ADAMTS12: variants seen among roughly 807,000 people sequenced by gnomAD.
ADAMTS12 encodes the protein A disintegrin and metalloproteinase with thrombospondin motifs 12.
ADAMTS12 carries 118 observed loss-of-function variants against 167.8 expected under a neutral mutation model. The ratio of observed to expected loss-of-function variants is 0.70; its 90% CI spans 0.61 to 0.82. The LOEUF is 0.82. Ranked by LOEUF, ADAMTS12 falls within the 40% of genes least tolerant of loss-of-function variation. The pLI is 0.00. For missense variants in ADAMTS12, 1,916 were observed against 1,998.8 expected, an observed-to-expected ratio of 0.96 and a Z score of 0.79; for synonymous variants, 704 against 716.9, an observed-to-expected ratio of 0.98 and a Z score of 0.29.
At chr5:33,888,047 T>G (rs1313357533) in intron 1 of ADAMTS12, 1 of 152,176 alleles carries the variant, frequency 6.6e-6, no homozygotes, top group Admixed American at 6.5e-5. Context: ...GCCGGCCTAT[T>G]CTTTTTTCTT....
intron 5 of ADAMTS12, among the ~76,000 whole-genome samples, chr5:33,672,309 TAC>T (rs2112239741): frequency 7.4e-6 from 1 of 135,630 alleles, no homozygotes; most frequent in African/African-American, 2.8e-5. Flanking sequence ...CATACTCATA[TAC>T]ACACAGATCC....
intron 2 of ADAMTS12, among the ~76,000 whole-genome samples, chr5:33,844,536 C>T (rs1371090661): frequency 6.6e-6 from 1 of 152,100 alleles, no homozygotes; most frequent in Non-Finnish European, 1.5e-5. Context: ...TGAGGAAATT[C>T]CCACCTAATA....
chr5:33,653,791 T>C (rs913866893), intron 7 of ADAMTS12, among the ~76,000 whole-genome samples: 20 of 152,290 alleles, frequency 1.3e-4, no homozygotes, highest in African/African-American at 4.8e-4. Flanking sequence ...GGATTTTCTT[T>C]GGGTTTAACC....
intron 18 of ADAMTS12, among the ~76,000 whole-genome samples, chr5:33,581,256 C>T (rs1028965031): frequency 6.6e-6 from 1 of 152,360 alleles, no homozygotes; most frequent in Non-Finnish European, 1.5e-5. Context: ...CCAACTTCAG[C>T]TATGATTATC....
intron 2 of ADAMTS12, among the ~76,000 whole-genome samples, chr5:33,773,642 A>T (rs1281958587): frequency 1.3e-5 from 2 of 152,178 alleles, no homozygotes; most frequent in Admixed American, 1.3e-4. Flanking sequence ...ACTGGGAAGA[A>T]GAAAGATCAT....
At chr5:33,636,747 A>C (rs577609367) in intron 12 of ADAMTS12, among the ~76,000 whole-genome samples, 1 of 152,310 alleles carries the variant, frequency 6.6e-6, no homozygotes, top group South Asian at 2.1e-4. Context: ...TCTTTAACAC[A>C]GGAAAATCTT....
Position 33,552,311 on chromosome 5 carries a change from T to C in ADAMTS12, c.4126-2928A>G, listed in dbSNP as rs1199095322. On this transcript the variant is annotated intron_variant, in intron 20 of 23. Coordinates refer to ENST00000504830, the MANE Select transcript of ADAMTS12 (RefSeq NM_030955.4). ...GGGACTAACAGACCAACTCCATCTA[T>C]GACCCTGGCATCAAGTGGCTATGTG... Among the ~76,000 whole-genome samples, 3 of 152,326 alleles carry C rather than the reference T, an allele frequency of 2.0e-5. No individual in the cohort carries two copies. The East Asian group carries it at 5.8e-4, about 29-fold the overall frequency.
At chr5:33,671,210 G>A (rs912478761) in intron 5 of ADAMTS12, among the ~76,000 whole-genome samples, 1 of 152,186 alleles carries the variant, frequency 6.6e-6, no homozygotes, top group Non-Finnish European at 1.5e-5. Context: ...CACAAGGGAT[G>A]CTTGTGAGGG....
At position 33,553,369 on chromosome 5, in the gene ADAMTS12, T is replaced by C. The variant is rs1441021649; in HGVS notation, c.4126-3986A>G. Reference sequence around the variant, plus strand: ...CCAAGCAGTCCCATTACTGGGTATATACCCAAAGGAATATAAATTATTCTG... The same window carrying C: ...CCAAGCAGTCCCATTACTGGGTATACACCCAAAGGAATATAAATTATTCTG... On this transcript the variant is annotated intron_variant, in intron 20 of 23. Transcript: ENST00000504830. Among the ~76,000 whole-genome samples the C allele has an allele frequency of 8.5e-5, 13 of 152,366 alleles. No individual in the cohort carries two copies. The South Asian group carries it at 2.5e-3, about 29-fold the overall frequency.
intron 3 of ADAMTS12, among the ~76,000 whole-genome samples, chr5:33,714,908 A>C (rs945498778): frequency 2.6e-5 from 4 of 152,068 alleles, no homozygotes; most frequent in Non-Finnish European, 4.4e-5. Context: ...CTACAGTTAA[A>C]AATAATTTAT....
intron 7 of ADAMTS12, among the ~76,000 whole-genome samples, chr5:33,650,234 T>C (rs1375316672): frequency 1.3e-5 from 2 of 152,200 alleles, no homozygotes; most frequent in African/African-American, 4.8e-5. Flanking sequence ...GCAGGATTTT[T>C]AAGACAGATG....
chr5:33,584,351 C>T (rs1747226294), intron 18 of ADAMTS12, among the ~76,000 whole-genome samples: 2 of 151,738 alleles, frequency 1.3e-5, no homozygotes, highest in Non-Finnish European at 2.9e-5. Context: ...TTTATAGATG[C>T]AATGCATGAG....
intron 19 of ADAMTS12, among the ~76,000 whole-genome samples, chr5:33,565,615 C>A (rs983290069): frequency 6.6e-5 from 10 of 151,716 alleles, no homozygotes; most frequent in Admixed American, 2.0e-4. Context: ...TTTTTCTAGC[C>A]AAACTGCCAG....
In ADAMTS12 at chr5:33,630,767, AC is replaced by A. The variant is rs1348505660; in HGVS notation, c.2022+12del. The A allele has an allele frequency of 6.2e-7, 1 of 1,603,508 alleles. No individual in the cohort carries two copies. On this transcript the variant is annotated intron_variant, in intron 13 of 23. Coordinates refer to ENST00000504830, the MANE Select transcript of ADAMTS12 (RefSeq NM_030955.4). ...TTTTATAAAGTTGTAGATTAAGGAAACATACCCAATACCTTACATATGCCAT... is the reference window on the plus strand; with the variant it reads ...TTTTATAAAGTTGTAGATTAAGGAAAATACCCAATACCTTACATATGCCAT...
chr5:33,739,905 A>G (rs1403333462), intron 3 of ADAMTS12, among the ~76,000 whole-genome samples: 1 of 152,176 alleles, frequency 6.6e-6, no homozygotes, highest in Non-Finnish European at 1.5e-5. Context: ...TCACTTTTAG[A>G]TGTGAGATGC....
chr5:33,889,083 G>A (rs1750750369), intron 1 of ADAMTS12, among the ~76,000 whole-genome samples: 3 of 152,098 alleles, frequency 2.0e-5, no homozygotes. Context: ...CTCGTGAAGG[G>A]GCATTTATTA....
At chr5:33,792,797 G>C (rs963727316) in intron 2 of ADAMTS12, among the ~76,000 whole-genome samples, 5 of 152,260 alleles carry the variant, frequency 3.3e-5, no homozygotes, top group Non-Finnish European at 7.3e-5. Context: ...TTGGTGAGCA[G>C]AGTGTGAGCC....
intron 2 of ADAMTS12, among the ~76,000 whole-genome samples, chr5:33,866,765 C>T (rs530741388): frequency 1.3e-5 from 2 of 151,908 alleles, no homozygotes; most frequent in African/African-American, 4.8e-5. Context: ...AAGATAACCC[C>T]ATCTAAAAGT....
intron 23 of ADAMTS12, among the ~76,000 whole-genome samples, chr5:33,532,211 C>G (rs555425811): frequency 2.6e-5 from 4 of 152,176 alleles, no homozygotes; most frequent in African/African-American, 9.6e-5. Flanking sequence ...TTTTTTTCAC[C>G]AAAGAAGCTT....
Sources: allele counts gnomAD v4.1 joint callset (sites outside exome capture counted in the v4.1 genomes callset), GRCh38; gene constraint gnomAD v4.1.1; transcripts MANE v1.5; gene names NCBI Gene and HGNC (gene_info 2026-07-23, HGNC 2026-07-21).